VPS13B: variants seen among roughly 807,000 people sequenced by gnomAD.
VPS13B encodes intermembrane lipid transfer protein VPS13B.
VPS13B carries 285 observed loss-of-function variants against 426.4 expected under a neutral mutation model. The ratio of observed to expected loss-of-function variants is 0.67; its 90% CI spans 0.61 to 0.74. The LOEUF is 0.74. Ranked by LOEUF, VPS13B falls within the 30% of genes least tolerant of loss-of-function variation. VPS13B has a pLI of 0.00. For synonymous variants in VPS13B, 1,676 were observed against 1,676.4 expected, an observed-to-expected ratio of 1.00 and a Z score of 0.01; for missense variants, 4,537 against 4,782.6, an observed-to-expected ratio of 0.95 and a Z score of 1.51.
At chr8:99,789,728 C>A (rs1284107834) in intron 43 of VPS13B, among the ~76,000 whole-genome samples, 1 of 152,000 alleles carries the variant, frequency 6.6e-6, no homozygotes, top group Non-Finnish European at 1.5e-5. Context: ...TTTATGGGAT[C>A]TTTACATTTT....
intron 39 of VPS13B, among the ~76,000 whole-genome samples, chr8:99,745,835 C>T (rs1392198600): frequency 3.9e-5 from 6 of 151,982 alleles, no homozygotes; most frequent in African/African-American, 1.4e-4. Context: ...GAAGTCTCAG[C>T]TATATCATTT....
intron 36 of VPS13B, among the ~76,000 whole-genome samples, chr8:99,701,482 G>A (rs80088999): frequency 0.04 from 6,139 of 152,044 alleles, 132 homozygotes; most frequent in East Asian, 0.055. Flanking sequence ...CTGTCTTTGG[G>A]AAACACCTCT....
chr8:99,605,380 C>T (rs1226672730), intron 33 of VPS13B, among the ~76,000 whole-genome samples: 1 of 152,082 alleles, frequency 6.6e-6, no homozygotes, highest in Non-Finnish European at 1.5e-5. Context: ...TCTCTTTCTT[C>T]TAATTTTGTG....
intron 19 of VPS13B, among the ~76,000 whole-genome samples, chr8:99,368,902 C>G (rs955660304): frequency 6.6e-6 from 1 of 152,204 alleles, no homozygotes; most frequent in Non-Finnish European, 1.5e-5. Context: ...TCCATCCTTT[C>G]AAAACTACTC....
At chr8:99,615,510 G>A (rs1463637319) in intron 33 of VPS13B, among the ~76,000 whole-genome samples, 2 of 152,190 alleles carry the variant, frequency 1.3e-5, no homozygotes, top group African/African-American at 2.4e-5. Flanking sequence ...AGTTGTAGTA[G>A]TTATCACTGC....
intron 30 of VPS13B, among the ~76,000 whole-genome samples, chr8:99,536,408 T>G (rs545199219): frequency 6.6e-6 from 1 of 152,322 alleles, no homozygotes; most frequent in East Asian, 1.9e-4. Flanking sequence ...CATTATAATT[T>G]GTAACATCTT....
intron 34 of VPS13B, among the ~76,000 whole-genome samples, chr8:99,654,841 G>A (rs16897555): frequency 0.021 from 3,173 of 151,526 alleles, 121 homozygotes; most frequent in African/African-American, 0.073. Flanking sequence ...TTCTTGGCTG[G>A]GGATAAAAGG....
At position 99,096,482 on chromosome 8, in the gene VPS13B, A is replaced by ATGGTGGCTCATGCCTGTAAT; in HGVS notation, c.412+51_412+70dup. On this transcript the variant is annotated intron_variant, in intron 4 of 61. Transcript: ENST00000357162. The stretch of plus-strand genomic sequence containing the variant: ...ACCAAATTTCAATTTTTGGCCGGGC[A>ATGGTGGCTCATGCCTGTAAT]TGGTGGCTCATGCCTGTAATCCCAG... 6.2e-6 allele frequency: 10 copies of ATGGTGGCTCATGCCTGTAAT among 1,608,670 alleles called. No individual in the cohort carries two copies. The South Asian group carries it at 1.1e-4, about 18-fold the overall frequency.
chr8:99,731,978 G>T (rs565307594), intron 39 of VPS13B, among the ~76,000 whole-genome samples: 1 of 152,224 alleles, frequency 6.6e-6, no homozygotes, highest in Admixed American at 6.5e-5. Flanking sequence ...TTAAATGGGG[G>T]ACCTCCTCTC....
At position 99,121,236 on chromosome 8, in the gene VPS13B, T is replaced by C; in HGVS notation, c.997T>C (p.Leu333=). 2 of 1,613,938 alleles carry C rather than the reference T, an allele frequency of 1.2e-6. No homozygotes were observed. The highest frequency in any genetic ancestry group is 1.3e-5 in the African/African-American group (1 of 74,982). ...QYPAQHKGQE[L]YSQQDEEQPQ... is the part of the protein sequence containing the mutation. ...TCCTGCTCAGCATAAAGGTCAAGAGTTATATTCACAGCAAGATGAGGAGCA... is the reference window on the plus strand; with the variant it reads ...TCCTGCTCAGCATAAAGGTCAAGAGCTATATTCACAGCAAGATGAGGAGCA... The change falls in exon 8 of 62, where the codon TTA becomes CTA. Residue 333 remains leucine (L), a synonymous_variant. Transcript: ENST00000357162.
At chr8:99,650,984 C>T (rs993666492) in intron 34 of VPS13B, among the ~76,000 whole-genome samples, 2 of 151,918 alleles carry the variant, frequency 1.3e-5, no homozygotes, top group Non-Finnish European at 1.5e-5. Context: ...TAAGTATTCT[C>T]GAGATGATTT....
intron 29 of VPS13B, among the ~76,000 whole-genome samples, chr8:99,515,074 T>A (rs1261811629): frequency 3.9e-5 from 6 of 152,246 alleles, no homozygotes; most frequent in African/African-American, 1.4e-4. Flanking sequence ...CTGTGATACT[T>A]ACCAATGGTT....
At position 99,809,361 on chromosome 8, in the gene VPS13B, G is replaced by A; in HGVS notation, c.7942-14G>A. ...CACGTTTGGCATTATGACGATTATT[G>A]TTTTTTTCTCCAGCTGTTACACATC... On this transcript the variant is annotated splice_polypyrimidine_tract_variant and intron_variant, in intron 43 of 61. Transcript: ENST00000357162. 1 of 1,613,800 alleles carries A rather than the reference G, an allele frequency of 6.2e-7. No homozygotes were observed. Among genetic ancestry groups the A allele is most frequent in the Non-Finnish European group, 8.5e-7 (1 of 1,179,878 alleles).
chr8:99,361,379 G>C (rs1386381298), intron 19 of VPS13B, among the ~76,000 whole-genome samples: 1 of 152,160 alleles, frequency 6.6e-6, no homozygotes, highest in Non-Finnish European at 1.5e-5. Context: ...TCTTTGAATG[G>C]TCTCTTTTGA....
intron 56 of VPS13B, 148 bp downstream of exon 56, chr8:99,854,404 A>C: frequency 2.1e-6 from 2 of 954,318 alleles, no homozygotes; most frequent in Non-Finnish European, 3.2e-6. Context: ...CTGGATCTAA[A>C]TCTAGAGCCT....
intron 39 of VPS13B, among the ~76,000 whole-genome samples, chr8:99,744,979 AAG>A (rs1810006402): frequency 6.6e-6 from 1 of 152,138 alleles, no homozygotes; most frequent in African/African-American, 2.4e-5. Context: ...ATAAAAAAAA[AAG>A]AACCTATCAG....
chr8:99,577,863 C>G, intron 33 of VPS13B: 1 of 539,176 alleles, frequency 1.9e-6, no homozygotes. Flanking sequence ...GTGGACTGAC[C>G]TCAGAGGAAC....
At chr8:99,202,110 T>C (rs1410765845) in intron 17 of VPS13B, among the ~76,000 whole-genome samples, 6 of 152,224 alleles carry the variant, frequency 3.9e-5, no homozygotes, top group Non-Finnish European at 8.8e-5. Context: ...TCTTGGAGAC[T>C]GAGATAACAA....
chr8:99,170,292 G>C (rs1159059944), intron 16 of VPS13B, 129 bp downstream of exon 16: 1 of 1,179,954 alleles, frequency 8.5e-7, no homozygotes, highest in African/African-American at 1.5e-5. Context: ...ATCTAAACTT[G>C]TACTTTTACT....
Sources: gnomAD v4.1 joint callset for allele counts (sites outside exome capture counted in the v4.1 genomes callset) on GRCh38, gnomAD v4.1.1 for gene constraint, MANE v1.5 for transcripts, NCBI Gene and HGNC (gene_info 2026-07-23, HGNC 2026-07-21) for gene names.